Variants in ZNF83 observed in about 807,000 individuals in gnomAD.
ZNF83 encodes the protein zinc finger protein 816B.
For synonymous variants in ZNF83, 209 were observed against 213.0 expected (o/e 0.98, Z 0.17); for missense variants, 552 against 629.9 (o/e 0.88, Z 1.32).
exon 3 of ZNF83, chr19:52,612,486 G>C (rs1171653729): frequency 3.9e-5 from 6 of 155,702 alleles, no homozygotes; most frequent in Non-Finnish European, 7.1e-5. Flanking sequence ...TATAAACCCT[G>C]TGATGTTCCG....
intron 2 of ZNF83, among the ~76,000 whole-genome samples, chr19:52,628,522 G>C (rs1027220823): frequency 6.6e-6 from 1 of 152,106 alleles, no homozygotes; most frequent in Non-Finnish European, 1.5e-5. Context: ...CGCCGGTCAC[G>C]GAGTAGGGAA....
At chr19:52,664,202 TAA>T (rs1568571861) in intron 1 of ZNF83, among the ~76,000 whole-genome samples, 1 of 142,282 alleles carries the variant, frequency 7.0e-6, no homozygotes, top group Non-Finnish European at 1.5e-5. Flanking sequence ...TTTTTTTTTT[TAA>T]TTAAGAACAA....
At chr19:52,687,631 A>ATGTATATATATATATATATAATG (rs2062065014) in intron 1 of ZNF83, among the ~76,000 whole-genome samples, 1 of 10,726 alleles carries the variant, frequency 9.3e-5, no homozygotes, top group African/African-American at 3.9e-4. Context: ...TATATATATA[A>ATGTATATATATATATATATAATG]TGTATATATA....
intron 3 of ZNF83, among the ~76,000 whole-genome samples, chr19:52,648,152 T>C (rs1232114054): frequency 6.7e-6 from 1 of 149,720 alleles, no homozygotes; most frequent in Non-Finnish European, 1.5e-5. Flanking sequence ...TGCTTTCTTA[T>C]CTTTTTTTTT....
At chr19:52,663,956 G>A (rs752189666) in intron 1 of ZNF83, among the ~76,000 whole-genome samples, 4 of 152,056 alleles carry the variant, frequency 2.6e-5, no homozygotes, top group African/African-American at 7.2e-5. Context: ...ATGCGATCTC[G>A]GCTCACTGCA....
intron 2 of ZNF83, among the ~76,000 whole-genome samples, chr19:52,659,988 C>T (rs986171934): frequency 2.6e-5 from 4 of 151,910 alleles, no homozygotes; most frequent in Non-Finnish European, 2.9e-5. Flanking sequence ...GTCAGGAGTT[C>T]GAGACCAGTC....
chr19:52,628,406 A>G (rs1409889451), intron 2 of ZNF83, among the ~76,000 whole-genome samples: 1 of 151,964 alleles, frequency 6.6e-6, no homozygotes, highest in Non-Finnish European at 1.5e-5. Context: ...GTCTCCTTTC[A>G]ATCTTGGCAC....
chr19:52,680,764 C>T (rs552298654), intron 1 of ZNF83, among the ~76,000 whole-genome samples: 4 of 144,318 alleles, frequency 2.8e-5, no homozygotes, highest in East Asian at 4.1e-4. Context: ...AGGCGCCCGC[C>T]ACTACGCCCG....
At position 52,614,393 on chromosome 19, in the gene ZNF83, G is replaced by A. The variant is rs774686513; in HGVS notation, c.172C>T (p.Arg58Cys). The change falls in exon 3 of 3, where the codon CGT becomes TGT. Residue 58 changes from arginine to cysteine, a missense_variant. Physicochemically the swap from Arg to Cys is radical, Grantham distance 180 (BLOSUM62 -3). Transcript: ENST00000301096. ...TGGGTTTTGACAGTAGAAGAAATAC[G>A]TTGGGGTGGGGAAACTAAGGAACTA... 105 of 1,613,316 alleles carry A rather than the reference G, an allele frequency of 6.5e-5. No homozygotes were observed. In the Admixed American group the frequency reaches 1.1e-3, roughly 16 times the overall value.
chr19:52,669,022 G>A (rs1299224547), intron 1 of ZNF83, among the ~76,000 whole-genome samples: 1 of 152,034 alleles, frequency 6.6e-6, no homozygotes, highest in African/African-American at 2.4e-5. Flanking sequence ...TTGGAGACCT[G>A]AAGGGATGCA....
rs529042362 is a variant in ZNF83 at position 52,614,813 on chromosome 19, A to T, written c.-233-16T>A. ...GAAAAAATACCTACAAGATATAAGG[A>T]TCCCACAGTTTCCAATTAATTACAG... On this transcript the variant is annotated splice_polypyrimidine_tract_variant and intron_variant, in intron 2 of 2. Coordinates refer to ENST00000301096, the Ensembl canonical transcript of ZNF83. The T allele has an allele frequency of 1.6e-6, 2 of 1,268,218 alleles. No individual in the cohort carries two copies. The highest frequency in any genetic ancestry group is 2.0e-6 in the Non-Finnish European group (2 of 999,660). The allele number at this position is 1,268,218 out of a possible 1,614,324, so 78.6% of individuals were successfully genotyped here. A position where few individuals can be genotyped will look rare whatever the true frequency, so the allele number is the denominator to read the frequency against.
chr19:52,649,281 G>A (rs2061413788), intron 3 of ZNF83, among the ~76,000 whole-genome samples: 1 of 152,148 alleles, frequency 6.6e-6, no homozygotes, highest in Non-Finnish European at 1.5e-5. Context: ...ACTTCTCCAA[G>A]GGAAGCAGGC....
rs922120399 is a variant in ZNF83, at chr19:52,673,524, T to C, written c.-282-12681A>G. On this transcript the variant is annotated intron_variant, in intron 1 of 5. Transcript: ENST00000594682. ...ATCACACACACACACACACACAAAA[T>C]GCTATAAACAGAACATCAGAAAAAA... 3.3e-5 allele frequency among the ~76,000 whole-genome samples: 5 copies of C among 150,446 alleles called. No individual in the cohort carries two copies. In the South Asian group the frequency reaches 8.4e-4, roughly 25 times the overall value.
At chr19:52,619,909 G>T (rs1182219327) in intron 2 of ZNF83, among the ~76,000 whole-genome samples, 1 of 152,064 alleles carries the variant, frequency 6.6e-6, no homozygotes, top group African/African-American at 2.4e-5. Flanking sequence ...ATTTAGCTGG[G>T]CATGGTGGCA....
At chr19:52,680,570 T>C (rs923589875) in intron 1 of ZNF83, among the ~76,000 whole-genome samples, 1 of 151,650 alleles carries the variant, frequency 6.6e-6, no homozygotes, top group Non-Finnish European at 1.5e-5. Flanking sequence ...ACATTTTTTC[T>C]CCACAGTTGT....
At chr19:52,632,349 T>A (rs1483875584) in intron 2 of ZNF83, among the ~76,000 whole-genome samples, 1 of 152,206 alleles carries the variant, frequency 6.6e-6, no homozygotes, top group Non-Finnish European at 1.5e-5. Context: ...CTTTTACCAC[T>A]TTCGCTTCTC....
chr19:52,639,415 A>ATTTTTTTT (rs1160711365), upstream of ZNF83, among the ~76,000 whole-genome samples: 1,572 of 85,574 alleles, frequency 0.018, 34 homozygotes, highest in South Asian at 0.023. Flanking sequence ...AGTTTTTTCT[A>ATTTTTTTT]TTTTTTTTTT....
intron 1 of ZNF83, among the ~76,000 whole-genome samples, chr19:52,674,705 C>T (rs181963968): frequency 5.9e-4 from 90 of 152,136 alleles, no homozygotes; most frequent in African/African-American, 2.1e-3. Flanking sequence ...TAGGAATAAA[C>T]GTAAAAATGC....
intron 3 of ZNF83, chr19:52,654,003 A>T: frequency 6.6e-7 from 1 of 1,522,388 alleles, no homozygotes. Flanking sequence ...TGAGCCTACA[A>T]GAAATTCTTT....
Sources: gnomAD v4.1 joint callset for allele counts (sites outside exome capture counted in the v4.1 genomes callset) on GRCh38, gnomAD v4.1.1 for gene constraint, MANE v1.5 for transcripts, NCBI Gene and HGNC (gene_info 2026-07-23, HGNC 2026-07-21) for gene names.